The following NAV3 variants were observed in gnomAD, a reference collection of about 807,000 sequenced individuals.
NAV3 encodes the protein neuron navigator 3.
Under a neutral mutation model 244.7 loss-of-function variants are expected in NAV3, and 87 were observed. The observed-to-expected ratio is 0.36, with a 90% CI of 0.30 to 0.42. The LOEUF (loss-of-function observed/expected upper bound fraction) is 0.42. NAV3 is among the 20% of genes least tolerant of loss of function. The probability of loss-of-function intolerance (pLI) is 1.00; values close to 1 mark genes in which losing one functional copy is unlikely to be tolerated. For synonymous variants in NAV3, 1,126 were observed against 1,042.2 expected (o/e 1.08, Z -1.55); for missense variants, 2,663 against 2,893.3 (o/e 0.92, Z 1.83).
intron 12 of NAV3, among the ~76,000 whole-genome samples, chr12:78,080,350 T>C (rs774541379): frequency 2.0e-5 from 3 of 152,212 alleles, no homozygotes; most frequent in Non-Finnish European, 4.4e-5. Flanking sequence ...CCTTTTGTAA[T>C]ATTAAGTAGT....
chr12:77,810,321 G>A (rs1285386267), intron 2 of NAV3, among the ~76,000 whole-genome samples: 2 of 152,132 alleles, frequency 1.3e-5, no homozygotes, highest in South Asian at 2.1e-4. Flanking sequence ...ACAGGCGCCC[G>A]CCACCACGCC....
chr12:77,811,690 C>T (rs1872295159), intron 2 of NAV3, among the ~76,000 whole-genome samples: 2 of 152,166 alleles, frequency 1.3e-5, no homozygotes, highest in South Asian at 4.2e-4. Context: ...AATAAGTTAA[C>T]TTGGGGTTGG....
upstream of NAV3, among the ~76,000 whole-genome samples, chr12:77,827,480 C>G (rs1873134756): frequency 6.6e-6 from 1 of 151,968 alleles, no homozygotes; most frequent in African/African-American, 2.4e-5. Flanking sequence ...TCTCTTATTG[C>G]CTAAAACTCC....
chr12:77,818,264 G>A (rs531394707), intron 2 of NAV3, among the ~76,000 whole-genome samples: 6 of 152,196 alleles, frequency 3.9e-5, no homozygotes, highest in South Asian at 4.1e-4. Flanking sequence ...GGTCTGTACC[G>A]TTGAGAGTGC....
intron 8 of NAV3, among the ~76,000 whole-genome samples, chr12:78,020,950 C>T (rs538942372): frequency 1.8e-4 from 27 of 152,008 alleles, no homozygotes; most frequent in East Asian, 3.9e-4. Flanking sequence ...TAGTTCATGC[C>T]GTGAACATTT....
chr12:77,573,136 T>C (rs1344038123), intron 2 of NAV3, among the ~76,000 whole-genome samples: 1 of 152,138 alleles, frequency 6.6e-6, no homozygotes, highest in Non-Finnish European at 1.5e-5. Context: ...AAGGAAATTT[T>C]TAGTTAGATG....
Position 77,880,084 on chromosome 12 carries a change from G to A in NAV3, c.243+48380G>A, listed in dbSNP as rs115007339. On this transcript the variant is annotated intron_variant, in intron 1 of 39. Coordinates refer to ENST00000397909, the MANE Select transcript of NAV3 (RefSeq NM_001024383.2). Reference sequence around the variant, plus strand: ...AATTGGCAGTAGTGATGATTAATGAGTTTACCTTTCATGCTTCAACAATAG... The same window carrying A: ...AATTGGCAGTAGTGATGATTAATGAATTTACCTTTCATGCTTCAACAATAG... 1.5e-4 allele frequency among the ~76,000 whole-genome samples: 23 copies of A among 152,222 alleles called. No homozygotes were observed. The East Asian group carries it at 4.1e-3, about 27-fold the overall frequency.
chr12:77,829,639 C>T (rs201053869), upstream of NAV3, among the ~76,000 whole-genome samples: 1 of 152,044 alleles, frequency 6.6e-6, no homozygotes, highest in East Asian at 1.9e-4. Context: ...TCTTTGATAC[C>T]ACTAGTGTTG....
intron 12 of NAV3, among the ~76,000 whole-genome samples, chr12:78,086,056 A>G (rs1348962822): frequency 6.6e-6 from 1 of 152,072 alleles, no homozygotes; most frequent in Non-Finnish European, 1.5e-5. Context: ...TGGGTAAGTT[A>G]CTTCACTTCT....
intron 2 of NAV3, among the ~76,000 whole-genome samples, chr12:77,756,491 C>T (rs761640152): frequency 1.2e-4 from 18 of 152,020 alleles, no homozygotes; most frequent in Non-Finnish European, 2.1e-4. Context: ...TTATCTTGGC[C>T]ATTCTCTTGT....
Position 77,708,878 on chromosome 12 carries a change from T to G in NAV3, c.72+136612T>G, listed in dbSNP as rs1440754706. ...TCTCTGTTTGTCTGTTATTGGTGTATAAGAATGCTTGTGATTTTTGCACAT... is the reference window on the plus strand; with the variant it reads ...TCTCTGTTTGTCTGTTATTGGTGTAGAAGAATGCTTGTGATTTTTGCACAT... On this transcript the variant is annotated intron_variant, in intron 2 of 8. Transcript: ENST00000550042. Among the ~76,000 whole-genome samples the G allele has an allele frequency of 2.0e-5, 3 of 152,172 alleles. No homozygotes were observed. In the South Asian group the frequency reaches 6.2e-4, roughly 31 times the overall value.
intron 1 of NAV3, among the ~76,000 whole-genome samples, chr12:77,910,674 C>T (rs1034335147): frequency 1.2e-4 from 19 of 152,168 alleles, no homozygotes; most frequent in African/African-American, 4.6e-4. Context: ...TCACTCTGTA[C>T]CTAAGATTGG....
intron 1 of NAV3, among the ~76,000 whole-genome samples, chr12:77,897,250 T>C (rs1180419526): frequency 6.6e-6 from 1 of 152,206 alleles, no homozygotes; most frequent in Non-Finnish European, 1.5e-5. Flanking sequence ...ATATCGTGAA[T>C]ACTTGGTCCG....
intron 9 of NAV3, among the ~76,000 whole-genome samples, chr12:78,029,925 T>A (rs755688612): frequency 2.0e-5 from 3 of 152,180 alleles, no homozygotes; most frequent in Non-Finnish European, 2.9e-5. Flanking sequence ...GATTGTACAA[T>A]CCTGTTAGGT....
At chr12:77,586,955 A>G (rs1228260750) in intron 2 of NAV3, among the ~76,000 whole-genome samples, 1 of 152,182 alleles carries the variant, frequency 6.6e-6, no homozygotes, top group East Asian at 1.9e-4. Flanking sequence ...AGGAACAAGA[A>G]CAGTTATGGA....
chr12:77,708,429 G>C (rs1025921893), intron 2 of NAV3, among the ~76,000 whole-genome samples: 4 of 152,096 alleles, frequency 2.6e-5, no homozygotes, highest in African/African-American at 9.7e-5. Context: ...CTCTGTTTTT[G>C]TACCAGTACC....
chr12:77,592,059 G>A (rs958948287), intron 2 of NAV3, among the ~76,000 whole-genome samples: 13 of 123,224 alleles, frequency 1.1e-4, no homozygotes, highest in African/African-American at 5.2e-4. Context: ...CAGGAGCTTC[G>A]TTCGCACAGT....
chr12:77,677,383 C>G (rs555707634), intron 2 of NAV3, among the ~76,000 whole-genome samples: 7 of 152,290 alleles, frequency 4.6e-5, no homozygotes, highest in Non-Finnish European at 1.0e-4. Flanking sequence ...GTAGGGATGG[C>G]TCCATGGATA....
At chr12:77,760,014 T>G (rs746245786) in intron 2 of NAV3, among the ~76,000 whole-genome samples, 7 of 152,232 alleles carry the variant, frequency 4.6e-5, no homozygotes, top group Non-Finnish European at 7.3e-5. Flanking sequence ...GTTATAAATC[T>G]GAGGGAATTG....
Sources: allele counts gnomAD v4.1 joint callset (sites outside exome capture counted in the v4.1 genomes callset), GRCh38; gene constraint gnomAD v4.1.1; transcripts MANE v1.5; gene names NCBI Gene and HGNC (gene_info 2026-07-23, HGNC 2026-07-21).